Variants in NDEL1 observed in about 807,000 individuals in gnomAD.
NDEL1 encodes the protein nuclear distribution protein nudE-like 1.
A neutral mutation model predicts 45.7 loss-of-function variants in NDEL1; 9 were observed. That is an observed-to-expected ratio of 0.20 (90% CI 0.12 to 0.34). NDEL1 has a LOEUF of 0.34. NDEL1 is among the 10% of genes least tolerant of loss of function. The pLI is 1.00. For missense variants in NDEL1, 306 were observed against 406.2 expected (o/e 0.75, Z 2.12); for synonymous variants, 133 against 158.6 (o/e 0.84, Z 1.21).
intron 8 of NDEL1, among the ~76,000 whole-genome samples, chr17:8,461,978 C>A (rs1029457478): frequency 6.6e-6 from 1 of 151,942 alleles, no homozygotes; most frequent in African/African-American, 2.4e-5. Flanking sequence ...GGTCGCTACT[C>A]CTGCCCGCCA....
intron 5 of NDEL1, 88 bp downstream of exon 5, chr17:8,448,774 C>A: frequency 7.8e-7 from 1 of 1,283,450 alleles, no homozygotes; most frequent in Non-Finnish European, 1.1e-6. Flanking sequence ...GATTTTTTTT[C>A]AACCAAATGT....
intron 6 of NDEL1, among the ~76,000 whole-genome samples, chr17:8,452,740 CTTTTTTTTT>C: frequency 3.1e-5 from 3 of 95,594 alleles, no homozygotes; most frequent in East Asian, 3.0e-4. Flanking sequence ...TTTTTCTTCT[CTTTTTTTTT>C]TTTTTTTTTG....
At chr17:8,447,920 G>C (rs942304761) in intron 4 of NDEL1, among the ~76,000 whole-genome samples, 1 of 150,914 alleles carries the variant, frequency 6.6e-6, no homozygotes, top group East Asian at 2.0e-4. Context: ...AAAAAAAAGT[G>C]GGCAAGCTGC....
intron 6 of NDEL1, among the ~76,000 whole-genome samples, chr17:8,452,740 CT>C: frequency 1.3e-4 from 12 of 95,626 alleles, no homozygotes; most frequent in African/African-American, 4.1e-4. Flanking sequence ...TTTTTCTTCT[CT>C]TTTTTTTTTT....
At chr17:8,456,417 T>A (rs553315249) in intron 7 of NDEL1, among the ~76,000 whole-genome samples, 93 of 152,222 alleles carry the variant, frequency 6.1e-4, no homozygotes, top group African/African-American at 2.1e-3. Flanking sequence ...GATATTTTTA[T>A]TTTTATTTTT....
chr17:8,437,625 A>G (rs1444980177), intron 1 of NDEL1, among the ~76,000 whole-genome samples: 3 of 152,308 alleles, frequency 2.0e-5, no homozygotes, highest in African/African-American at 7.2e-5. Flanking sequence ...TGTAAATGTC[A>G]CCTTTGAGAG....
At chr17:8,453,140 A>G (rs1910625904) in intron 6 of NDEL1, among the ~76,000 whole-genome samples, 1 of 152,240 alleles carries the variant, frequency 6.6e-6, no homozygotes, top group Non-Finnish European at 1.5e-5. Flanking sequence ...AATGAGATCT[A>G]GAAATCCCTG....
rs931370877 is a variant in NDEL1 at position 8,465,784 on chromosome 17, G to A, written c.945-1146G>A. 7 of 152,352 alleles carry A rather than the reference G, an allele frequency of 4.6e-5. No homozygotes were observed. Among genetic ancestry groups the A allele is most frequent in the Admixed American group, 4.6e-4 (7 of 15,282 alleles). The allele number at this position is 152,352 out of a possible 1,614,324, so 9.4% of individuals were successfully genotyped here. A position where few individuals can be genotyped will look rare whatever the true frequency, so the allele number is the denominator to read the frequency against. ...GCTTTATCTCCCAAATTGCTAGTGG[G>A]ACAAATTTTCCTAGGAAGCGTTTCA... On this transcript the variant is annotated intron_variant, in intron 8 of 8. Transcript: ENST00000334527. The surrounding 1 kb of genome is among the most constrained non-coding windows in gnomAD (Gnocchi z 4.9).
In NDEL1 at chr17:8,445,836, G is replaced by A. The variant is rs1479619930; in HGVS notation, c.212G>A (p.Arg71Lys). 1.9e-6 allele frequency: 3 copies of A among 1,557,850 alleles called. No individual in the cohort carries two copies. The African/African-American group carries it at 4.2e-5, about 22-fold the overall frequency. Reference sequence around the variant, plus strand: ...AGAGACTTGCAGGCTGATAACCAAAGACTGAAATATGAAGTGGAGGCATTA... The same window carrying A: ...AGAGACTTGCAGGCTGATAACCAAAAACTGAAATATGAAGTGGAGGCATTA... ...RNRDLQADNQ[R>K]LKYEVEALKE... is the part of the protein sequence containing the mutation. Residue 71 changes from arginine (R) to lysine (K), a missense_variant, in exon 3 of 9, where the codon AGA (arginine) becomes AAA (lysine). By Grantham distance (26) the Arg-to-Lys change is conservative. Around this residue, in one of 3 missense-constraint regions of NDEL1, gnomAD observed 112 missense variants for 148.3 expected, o/e 0.76. Coordinates refer to ENST00000334527, the MANE Select transcript of NDEL1 (RefSeq NM_030808.5).
chr17:8,471,396 G>T (rs1461702965), downstream of NDEL1, among the ~76,000 whole-genome samples: 2 of 152,238 alleles, frequency 1.3e-5, no homozygotes, highest in African/African-American at 2.4e-5. Context: ...CACCATCACA[G>T]CTGCGCCTAC....
At chr17:8,433,812 G>C (rs1447617579), upstream of NDEL1, among the ~76,000 whole-genome samples, 1 of 151,686 alleles carries the variant, frequency 6.6e-6, no homozygotes, top group Admixed American at 6.6e-5. Flanking sequence ...CACCATGCTT[G>C]GCCCTGTGCA....
intron 1 of NDEL1, among the ~76,000 whole-genome samples, chr17:8,430,554 G>C (rs1567721863): frequency 6.6e-6 from 1 of 152,142 alleles, no homozygotes; most frequent in Non-Finnish European, 1.5e-5. Context: ...GTGGAATCTG[G>C]CCTCTGTTTC....
At chr17:8,445,471 G>A (rs1567731615) in intron 2 of NDEL1, among the ~76,000 whole-genome samples, 1 of 85,944 alleles carries the variant, frequency 1.2e-5, no homozygotes, top group East Asian at 4.0e-4. Context: ...ATGGTATTGA[G>A]CCACGTAGCC....
intron 1 of NDEL1, among the ~76,000 whole-genome samples, chr17:8,429,318 T>C (rs1249308168): frequency 6.6e-6 from 1 of 152,196 alleles, no homozygotes; most frequent in African/African-American, 2.4e-5. Context: ...AAGTGCCTGT[T>C]GCTGGGGATA....
chr17:8,452,740 C>CTTTTTTTTTTTTTTTTTTTTTTTCTT, intron 6 of NDEL1, among the ~76,000 whole-genome samples: 5 of 95,626 alleles, frequency 5.2e-5, no homozygotes, highest in Admixed American at 1.3e-4. Flanking sequence ...TTTTTCTTCT[C>CTTTTTTTTTTTTTTTTTTTTTTTCTT]TTTTTTTTTT....
Position 8,467,114 on chromosome 17 carries a change from C to A in NDEL1, c.*91C>A. 4 of 1,311,992 alleles carry A rather than the reference C, an allele frequency of 3.0e-6. No homozygotes were observed. The highest frequency in any genetic ancestry group is 4.3e-6 in the Non-Finnish European group (4 of 926,000). 81.3% of individuals were successfully genotyped at this position (1,311,992 alleles called of 1,614,324 possible). Reference sequence around the variant, plus strand: ...CTCGGTGCCTGGGCCCAGCCCCGTGCCCCTCCGTCTGCCTCCGCACGGCTG... The same window carrying A: ...CTCGGTGCCTGGGCCCAGCCCCGTGACCCTCCGTCTGCCTCCGCACGGCTG... On this transcript the variant is annotated 3_prime_UTR_variant, in exon 9 of 9. Coordinates refer to ENST00000334527, the MANE Select transcript of NDEL1 (RefSeq NM_030808.5). The surrounding 1 kb of genome is among the most constrained non-coding windows in gnomAD (Gnocchi z 6.3).
intron 1 of NDEL1, among the ~76,000 whole-genome samples, chr17:8,422,800 G>A (rs1048980618): frequency 2.7e-5 from 4 of 150,830 alleles, no homozygotes; most frequent in Non-Finnish European, 5.9e-5. Context: ...GCAATGGTGC[G>A]ATCTCGGCTC....
In NDEL1 at chr17:8,467,781, G is replaced by A. The variant is rs1029253773; in HGVS notation, c.*758G>A. 1 of 152,688 alleles carries A rather than the reference G, an allele frequency of 6.5e-6. No individual in the cohort carries two copies. Among genetic ancestry groups the A allele is most frequent in the African/African-American group, 2.4e-5 (1 of 41,446 alleles). 9.5% of individuals were successfully genotyped at this position (152,688 alleles called of 1,614,324 possible). On this transcript the variant is annotated 3_prime_UTR_variant, in exon 9 of 9. Transcript: ENST00000334527. This position sits in a 1 kb window ranked among gnomAD's most constrained non-coding sequence, Gnocchi z 6.3. ...CGTCCTTCAGTTCAACGACATCTTT[G>A]GAGTGTTTTTGTTTTCTCTTCCAAG... is the stretch of plus-strand genomic sequence containing the variant.
chr17:8,458,992 A>C (rs1035710002), intron 7 of NDEL1, among the ~76,000 whole-genome samples: 1 of 152,034 alleles, frequency 6.6e-6, no homozygotes, highest in African/African-American at 2.4e-5. Context: ...TTGGCCTCCT[A>C]AAGTGCTGGG....
Sources: gnomAD v4.1 joint callset for allele counts (sites outside exome capture counted in the v4.1 genomes callset) on GRCh38, gnomAD v4.1.1 for gene constraint, gnomAD v4.1.1 regional missense constraint, Gnocchi (gnomAD v3.1) non-coding constraint, MANE v1.5 for transcripts, NCBI Gene and HGNC (gene_info 2026-07-23, HGNC 2026-07-21) for gene names.